The following ITGAX variants were observed in gnomAD, a reference collection of about 807,000 sequenced individuals.
ITGAX encodes the protein integrin subunit alpha X.
In ITGAX, 99 loss-of-function variants were observed where a neutral mutation model predicts 140.2. The ratio of observed to expected loss-of-function variants is 0.71; its 90% CI spans 0.60 to 0.83. The LOEUF (loss-of-function observed/expected upper bound fraction) is 0.83. ITGAX is among the 40% of genes least tolerant of loss of function. ITGAX has a pLI of 0.00. For synonymous variants in ITGAX, 631 were observed against 600.4 expected (o/e 1.05, Z -0.75); for missense variants, 1,444 against 1,482.0 (o/e 0.97, Z 0.42).
intron 14 of ITGAX, 50 bp downstream of exon 14, chr16:31,363,424 T>A (rs2080859689): frequency 6.3e-7 from 1 of 1,587,202 alleles, no homozygotes; most frequent in Non-Finnish European, 8.7e-7. Context: ...TTCTTGCCTC[T>A]CCCACTCTGT....
intron 17 of ITGAX, 119 bp from the exon 18 acceptor site, chr16:31,372,259 C>T: frequency 1.7e-6 from 2 of 1,183,948 alleles, no homozygotes; most frequent in Non-Finnish European, 2.4e-6. Context: ...TGAGCAGGCT[C>T]TGGAGGAAGC....
intron 3 of ITGAX, 144 bp from the exon 4 acceptor site, chr16:31,356,887 G>A (rs2080766584): frequency 2.4e-6 from 2 of 826,600 alleles, no homozygotes; most frequent in Non-Finnish European, 3.8e-6. Context: ...CCCGCCCATC[G>A]CACTCCCGCA....
In ITGAX at chr16:31,370,934, C is replaced by A. The variant is rs2080949675; in HGVS notation, c.1711-150C>A. On this transcript the variant is annotated intron_variant, in intron 14 of 29. Coordinates refer to ENST00000268296, the MANE Select transcript of ITGAX (RefSeq NM_000887.5). Reference sequence around the variant, plus strand: ...AGCAATCATCTCCCAACTCCTACCTCCTCTTTTCAGGTTCTTCTTGGTGAC... The same window carrying A: ...AGCAATCATCTCCCAACTCCTACCTACTCTTTTCAGGTTCTTCTTGGTGAC... 4 of 944,242 alleles carry A rather than the reference C, an allele frequency of 4.2e-6. No homozygotes were observed. In the African/African-American group the frequency reaches 6.5e-5, roughly 15 times the overall value. The allele number at this position is 944,242 out of a possible 1,614,324, so 58.5% of individuals were successfully genotyped here.
chr16:31,356,145 G>T, intron 2 of ITGAX, 147 bp downstream of exon 2: 1 of 593,074 alleles, frequency 1.7e-6, no homozygotes, highest in Non-Finnish European at 3.0e-6. Context: ...TGCCTTGAAG[G>T]CAGGCACGGT....
intron 19 of ITGAX, 100 bp from the exon 20 acceptor site, chr16:31,373,149 C>T (rs1036594939): frequency 3.8e-6 from 3 of 792,936 alleles, no homozygotes; most frequent in Admixed American, 2.5e-5. Flanking sequence ...GGGTCCGTCC[C>T]CTGTCTATCT....
rs1161601610 is a variant in ITGAX at position 31,376,833 on chromosome 16, G to A, written c.2543G>A (p.Cys848Tyr). ...CAGCTGCGTTCCCTGCACCTGACAT[G>A]TGACAGCGCCCCAGTTGGGAGCCAG... ...QGQLRSLHLT[C>Y]DSAPVGSQGT... The change falls in exon 21 of 30, where the codon TGT becomes TAT. Residue 848 changes from cysteine to tyrosine, a missense_variant. Physicochemically the swap from Cys to Tyr is radical, Grantham distance 194 (BLOSUM62 -2). Transcript: ENST00000268296. The A allele has an allele frequency of 2.5e-6, 4 of 1,614,184 alleles. No individual in the cohort carries two copies. Among genetic ancestry groups the A allele is most frequent in the Admixed American group, 1.7e-5 (1 of 60,020 alleles).
chr16:31,356,551 C>T (rs1035921411), intron 2 of ITGAX, 74 bp from the exon 3 acceptor site: 15 of 1,010,168 alleles, frequency 1.5e-5, no homozygotes, highest in African/African-American at 3.2e-5. Context: ...AGGGAGGGAA[C>T]GCAAACTTGC....
At position 31,361,864 on chromosome 16, in the gene ITGAX, C is replaced by T. The variant is rs138230749; in HGVS notation, c.1041C>T (p.Phe347=). Residue 347 remains phenylalanine, a synonymous_variant, in exon 10 of 30, where the codon TTC becomes TTT. Coordinates refer to ENST00000268296, the MANE Select transcript of ITGAX (RefSeq NM_000887.5). The part of the protein sequence containing the change: ...EGTETTSSSS[F]ELEMAQEGFS... ...CGGAGACCACAAGCAGTAGCTCCTT[C>T]GAATTGGAGATGGCACAGGAGGGCT... 774 of 1,614,010 alleles carry T rather than the reference C, an allele frequency of 4.8e-4. 8 individuals are homozygous for T. Among genetic ancestry groups the T allele is most frequent in the African/African-American group, 3.5e-4 (26 of 75,022 alleles).
At chr16:31,362,001 C>T (rs891107627) in intron 10 of ITGAX, 74 bp from the exon 11 acceptor site, 16 of 1,611,624 alleles carry the variant, frequency 9.9e-6, no homozygotes, top group East Asian at 6.7e-5. Context: ...GAGGCGCAGG[C>T]GGAAGGCATA....
chr16:31,363,352 G>C lies in ITGAX; in HGVS notation c.1688G>C (p.Ser563Thr). 6.2e-7 allele frequency: 1 copy of C among 1,613,326 alleles called. No homozygotes were observed. The highest frequency in any genetic ancestry group is 8.5e-7 in the Non-Finnish European group (1 of 1,179,462). The change falls in exon 14 of 30, where the codon AGC becomes ACC. Residue 563 changes from serine (S) to threonine (T), a missense_variant. Transcript: ENST00000268296. ...VYLFHGVLGP[S>T]ISPSHSQRIA... ...CTGTTTCACGGAGTCTTGGGACCCA[G>C]CATCAGCCCCTCCCACAGCCAGGTG... is the stretch of plus-strand genomic sequence containing the variant.
Position 31,371,740 on chromosome 16 carries a change from C to T in ITGAX, c.2116C>T (p.Leu706Phe). Residue 706 changes from leucine (L) to phenylalanine (F), a missense_variant, in exon 17 of 30, where the codon CTC becomes TTC. Coordinates refer to ENST00000268296, the MANE Select transcript of ITGAX (RefSeq NM_000887.5). ...CCGGAGTCTGAGCCGAGTCCGAGTC[C>T]TCGGGCTGAAGGCACACTGTGAAAA... ...KNRSLSRVRVLGLKAHCENFN... is the reference protein window; with the variant it reads ...KNRSLSRVRVFGLKAHCENFN... The T allele has an allele frequency of 1.2e-6, 2 of 1,614,108 alleles. No individual in the cohort carries two copies. Among genetic ancestry groups the T allele is most frequent in the Non-Finnish European group, 1.7e-6 (2 of 1,180,030 alleles).
Position 31,379,659 on chromosome 16 carries a change from G to T in ITGAX, c.2868+13G>T. 1 of 1,566,428 alleles carries T rather than the reference G, an allele frequency of 6.4e-7. No individual in the cohort carries two copies. The highest frequency in any genetic ancestry group is 8.7e-7 in the Non-Finnish European group (1 of 1,155,006). On this transcript the variant is annotated intron_variant, in intron 24 of 29. Coordinates refer to ENST00000268296, the MANE Select transcript of ITGAX (RefSeq NM_000887.5). Reference sequence around the variant, plus strand: ...GCACAGATACCAGGCAGGTGGTGGAGACGCAGGAGACTGGGCTGGGGTGGG... The same window carrying T: ...GCACAGATACCAGGCAGGTGGTGGATACGCAGGAGACTGGGCTGGGGTGGG...
chr16:31,373,325 T>TA lies in ITGAX; in HGVS notation c.2444dup (p.Tyr815Ter), dbSNP rs1402661188. The TA allele has an allele frequency of 6.2e-7, 1 of 1,613,834 alleles. No homozygotes were observed. The highest frequency in any genetic ancestry group is 1.1e-5 in the South Asian group (1 of 91,064). The change falls in exon 20 of 30, where the codon TAC becomes TAAC. Residue 815 changes from tyrosine (Y) to a stop codon, truncating the protein, a stop_gained and frameshift_variant. Coordinates refer to ENST00000268296, the MANE Select transcript of ITGAX (RefSeq NM_000887.5). LOFTEE classifies it high-confidence loss of function. Reference protein sequence around the residue: ...VMVWNDGEDSYGTTITFSHPA... With the variant: ...VMVWNDGEDS ...GGTGTGGAATGACGGGGAAGACTCC[T>TA]ACGGAACCACCATCACCTTCTCCCA...
chr16:31,371,662 GC>G lies in ITGAX; in HGVS notation c.2041del (p.Leu681SerfsTer6). ...DLQSSVTLDL[A>X]LDPGRLSPRA... ...CCAAAGCTCTGTGACCTTGGACCTG[GC>G]CCTCGACCCTGGCCGCCTGAGTCCC... On this transcript the variant is annotated frameshift_variant, in exon 17 of 30. Coordinates refer to ENST00000268296, the MANE Select transcript of ITGAX (RefSeq NM_000887.5). LOFTEE classifies it high-confidence loss of function. 2 of 1,614,078 alleles carry G rather than the reference GC, an allele frequency of 1.2e-6. No homozygotes were observed. The highest frequency in any genetic ancestry group is 2.2e-5 in the South Asian group (2 of 91,078).
intron 10 of ITGAX, 73 bp downstream of exon 10, chr16:31,361,982 G>T: frequency 6.2e-7 from 1 of 1,612,594 alleles, no homozygotes; most frequent in Admixed American, 1.7e-5. Context: ...GTGGGTGTCA[G>T]GTGGGTAAGA....
intron 14 of ITGAX, among the ~76,000 whole-genome samples, chr16:31,367,545 G>A (rs2080904272): frequency 6.6e-6 from 1 of 152,188 alleles, no homozygotes; most frequent in African/African-American, 2.4e-5. Context: ...TCTAGAAATG[G>A]AACAAAGCTG....
intron 14 of ITGAX, among the ~76,000 whole-genome samples, chr16:31,370,853 A>G (rs1025853279): frequency 6.6e-6 from 1 of 152,116 alleles, no homozygotes. Context: ...GATCGAATGA[A>G]TGACACTCGG....
intron 23 of ITGAX, among the ~76,000 whole-genome samples, chr16:31,378,760 T>G (rs2081041802): frequency 6.6e-6 from 1 of 151,378 alleles, no homozygotes; most frequent in African/African-American, 2.4e-5. Flanking sequence ...TGTGAGCCAC[T>G]GCACTCAGCC....
intron 2 of ITGAX, chr16:31,356,284 T>C (rs1189283485): frequency 2.3e-6 from 1 of 436,932 alleles, no homozygotes; most frequent in Non-Finnish European, 4.1e-6. Flanking sequence ...GTTTTTTCTT[T>C]CTTTTTTTCT....
Sources: gnomAD v4.1 joint callset for allele counts (sites outside exome capture counted in the v4.1 genomes callset) on GRCh38, gnomAD v4.1.1 for gene constraint, MANE v1.5 for transcripts, NCBI Gene and HGNC (gene_info 2026-07-23, HGNC 2026-07-21) for gene names.